The following SLC38A4 variants were observed in gnomAD, a reference collection of about 807,000 sequenced individuals.
The protein encoded by SLC38A4 is sodium-coupled neutral amino acid transporter 4.
In SLC38A4, 20 loss-of-function variants were observed where a neutral mutation model predicts 63.1. The observed-to-expected ratio is 0.32, with a 90% CI of 0.22 to 0.46. SLC38A4 has a LOEUF of 0.46. Ranked by LOEUF, SLC38A4 falls within the 20% of genes least tolerant of loss-of-function variation. The probability of loss-of-function intolerance (pLI) is 1.00; values close to 1 mark genes in which losing one functional copy is unlikely to be tolerated. For missense variants in SLC38A4, 526 were observed against 663.6 expected (o/e 0.79, Z 2.28); for synonymous variants, 230 against 225.5 (o/e 1.02, Z -0.18).
chr12:46,773,802 G>A (rs746429890), intron 14 of SLC38A4, among the ~76,000 whole-genome samples: 2 of 151,956 alleles, frequency 1.3e-5, no homozygotes, highest in African/African-American at 4.8e-5. Context: ...AACACTATAT[G>A]AATATGAATA....
intron 3 of SLC38A4, among the ~76,000 whole-genome samples, chr12:46,789,523 G>C (rs1938836243): frequency 6.6e-6 from 1 of 152,130 alleles, no homozygotes; most frequent in Non-Finnish European, 1.5e-5. Flanking sequence ...GTCAGCTCCT[G>C]CAGTTACAAG....
chr12:46,825,405 C>G (rs189332392), intron 1 of SLC38A4, among the ~76,000 whole-genome samples: 40 of 151,776 alleles, frequency 2.6e-4, no homozygotes, highest in African/African-American at 9.7e-4. Context: ...GTGTCAGATA[C>G]CTTCTTTAAA....
Position 46,769,335 on chromosome 12 carries a change from T to A in SLC38A4, c.1393A>T (p.Asn465Tyr). 2 of 1,613,400 alleles carry A rather than the reference T, an allele frequency of 1.2e-6. No homozygotes were observed. Among genetic ancestry groups the A allele is most frequent in the Non-Finnish European group, 1.7e-6 (2 of 1,179,530 alleles). Residue 465 changes from asparagine to tyrosine, a missense_variant, in exon 15 of 17, where the codon AAT becomes TAT. Transcript: ENST00000266579. ...GTTGGCACAAGGATGACCAGAACAT[T>A]ATTAAGTGCAATAAGCACAGCTGCA... ...LIAAVLIALN[N>Y]VLVILVPTIK... is the part of the protein sequence containing the mutation.
intron 1 of SLC38A4, among the ~76,000 whole-genome samples, chr12:46,806,285 TAGG>T (rs1939230999): frequency 6.6e-6 from 1 of 151,976 alleles, no homozygotes; most frequent in Non-Finnish European, 1.5e-5. Context: ...TGGAGCAGAA[TAGG>T]AGAACAGAAT....
intron 3 of SLC38A4, among the ~76,000 whole-genome samples, chr12:46,792,093 A>C (rs1938902535): frequency 6.6e-6 from 1 of 152,062 alleles, no homozygotes; most frequent in African/African-American, 2.4e-5. Context: ...AATTGATTCA[A>C]TTTGCAATTG....
At chr12:46,807,345 A>T (rs1939253704) in intron 1 of SLC38A4, among the ~76,000 whole-genome samples, 1 of 151,952 alleles carries the variant, frequency 6.6e-6, no homozygotes, top group Non-Finnish European at 1.5e-5. Flanking sequence ...TTATTCTCCA[A>T]GAAGTTACCT....
intron 3 of SLC38A4, among the ~76,000 whole-genome samples, chr12:46,792,551 G>A (rs551887186): frequency 6.6e-6 from 1 of 152,128 alleles, no homozygotes; most frequent in Non-Finnish European, 1.5e-5. Context: ...TAACAGGCTG[G>A]GTATATGGCA....
chr12:46,791,856 G>A (rs1938895537), intron 3 of SLC38A4, among the ~76,000 whole-genome samples: 1 of 152,100 alleles, frequency 6.6e-6, no homozygotes, highest in Non-Finnish European at 1.5e-5. Context: ...ATTCTTGAAG[G>A]ATGAGAGGTG....
upstream of SLC38A4, among the ~76,000 whole-genome samples, chr12:46,830,306 AC>A (rs1565682501): frequency 3.4e-5 from 5 of 145,342 alleles, no homozygotes; most frequent in Admixed American, 6.8e-5. Context: ...TCTCACACAC[AC>A]ACACACACAC....
chr12:46,775,199 C>A (rs988367932), intron 13 of SLC38A4, 26 bp from the exon 14 acceptor site: 17 of 1,606,252 alleles, frequency 1.1e-5, no homozygotes, highest in Non-Finnish European at 1.1e-5. Flanking sequence ...GAGAATGAAA[C>A]CGCTTGGTGT....
intron 2 of SLC38A4, among the ~76,000 whole-genome samples, chr12:46,794,183 C>A (rs1284668076): frequency 6.6e-6 from 1 of 152,086 alleles, no homozygotes; most frequent in East Asian, 1.9e-4. Context: ...ATGTGCTATT[C>A]CTCTGACAAA....
chr12:46,816,042 A>G (rs189972592), intron 1 of SLC38A4, among the ~76,000 whole-genome samples: 1 of 152,092 alleles, frequency 6.6e-6, no homozygotes, highest in African/African-American at 2.4e-5. Context: ...TCTGACATTT[A>G]ATAAAATATA....
At position 46,815,268 on chromosome 12, in the gene SLC38A4, TATATATATATATATATAC is replaced by T. The variant is rs1164471044; in HGVS notation, c.-305+10617_-305+10634del. On this transcript the variant is annotated intron_variant, in intron 1 of 16. Transcript: ENST00000266579. Reference sequence around the variant, plus strand: ...ATATATATATATATATATATATATATATATATATATATATATACACACACACACACACACACACACAGA... The same window carrying T: ...ATATATATATATATATATATATATATACACACACACACACACACACACAGA... 3.0e-4 allele frequency among the ~76,000 whole-genome samples: 22 copies of T among 74,246 alleles called. No homozygotes were observed. The South Asian group carries it at 8.4e-3, about 28-fold the overall frequency. The allele number at this position is 74,246 out of a possible 152,430, so 48.7% of individuals were successfully genotyped here.
Position 46,792,494 on chromosome 12 carries a change from T to C in SLC38A4, c.119+459A>G, listed in dbSNP as rs193260514. Among the ~76,000 whole-genome samples the C allele has an allele frequency of 3.9e-4, 60 of 152,214 alleles. 1 individual carries two copies. Among genetic ancestry groups the C allele is most frequent in the Non-Finnish European group, 8.8e-5 (6 of 68,002 alleles). On this transcript the variant is annotated intron_variant, in intron 3 of 16. Coordinates refer to ENST00000266579, the MANE Select transcript of SLC38A4 (RefSeq NM_018018.5). The stretch of plus-strand genomic sequence containing the variant: ...ACACAGTAATGGTCCAGTAGAGACG[T>C]GCAGTAGACATTCAGATATAATTAT...
At chr12:46,781,195 T>G (rs957000623) in intron 7 of SLC38A4, among the ~76,000 whole-genome samples, 1 of 152,048 alleles carries the variant, frequency 6.6e-6, no homozygotes, top group Non-Finnish European at 1.5e-5. Context: ...AGATGTTAAG[T>G]TGACATGTCC....
At chr12:46,812,935 A>G (rs954454788) in intron 1 of SLC38A4, among the ~76,000 whole-genome samples, 7 of 152,080 alleles carry the variant, frequency 4.6e-5, no homozygotes, top group Admixed American at 4.6e-4. Context: ...TTTTCACTAA[A>G]TGTGAATTGG....
At chr12:46,820,495 A>G (rs1211206020) in intron 1 of SLC38A4, among the ~76,000 whole-genome samples, 1 of 151,974 alleles carries the variant, frequency 6.6e-6, no homozygotes, top group Non-Finnish European at 1.5e-5. Context: ...TGTTGTCACA[A>G]ATAGCAGGAT....
In SLC38A4 at chr12:46,793,121, T is replaced by A; in HGVS notation, c.-50A>T. 7.8e-7 allele frequency: 1 copy of A among 1,278,410 alleles called. No homozygotes were observed. Among genetic ancestry groups the A allele is most frequent in the South Asian group, 1.2e-5 (1 of 84,026 alleles). The allele number at this position is 1,278,410 out of a possible 1,614,324, so 79.2% of individuals were successfully genotyped here. A position where few individuals can be genotyped will look rare whatever the true frequency, so the allele number is the denominator to read the frequency against. On this transcript the variant is annotated 5_prime_UTR_variant, in exon 3 of 17. Coordinates refer to ENST00000266579, the MANE Select transcript of SLC38A4 (RefSeq NM_018018.5). The stretch of plus-strand genomic sequence containing the variant: ...CACACACAAGCCCCTTCAGTGTAAA[T>A]AATATACTGTACCTTCAGCTTAAGG...
Position 46,776,926 on chromosome 12 carries a change from G to A in SLC38A4, c.1152C>T (p.Leu384=). The A allele has an allele frequency of 6.2e-7, 1 of 1,612,214 alleles. No individual in the cohort carries two copies. Among genetic ancestry groups the A allele is most frequent in the Non-Finnish European group, 8.5e-7 (1 of 1,178,750 alleles). Reference sequence around the variant, plus strand: ...TACCATAGAAGGTTAGGTAACCAAAGAGGGCGGCAAGCAGGTACATGACAA... The same window carrying A: ...TACCATAGAAGGTTAGGTAACCAAAAAGGGCGGCAAGCAGGTACATGACAA... ...GMLVMYLLAA[L]FGYLTFYGEV... The change falls in exon 13 of 17, where the codon CTC becomes CTT. Residue 384 remains leucine (L), a synonymous_variant. Coordinates refer to ENST00000266579, the MANE Select transcript of SLC38A4 (RefSeq NM_018018.5).
Sources: gnomAD v4.1 joint callset for allele counts (sites outside exome capture counted in the v4.1 genomes callset) on GRCh38, gnomAD v4.1.1 for gene constraint, MANE v1.5 for transcripts, NCBI Gene and HGNC (gene_info 2026-07-23, HGNC 2026-07-21) for gene names.